TNS3: variants seen among roughly 807,000 people sequenced by gnomAD.
TNS3 encodes tensin 3.
In TNS3, 45 loss-of-function variants were observed where a neutral mutation model predicts 140.9. The ratio of observed to expected loss-of-function variants is 0.32; its 90% CI spans 0.25 to 0.41. The LOEUF (loss-of-function observed/expected upper bound fraction) is 0.41, where lower values mean the gene tolerates loss of function less well. Among genes scored for constraint, TNS3 ranks in the 10% least tolerant of loss-of-function variants. The pLI, the probability that TNS3 is intolerant of heterozygous loss-of-function variation, is 1.00. For missense variants in TNS3, 1,716 were observed against 1,906.7 expected (o/e 0.90, Z 1.86); for synonymous variants, 815 against 788.4 (o/e 1.03, Z -0.56).
chr7:47,302,877 T>G (rs1450219921), intron 22 of TNS3, 73 bp downstream of exon 22: 79 of 1,510,418 alleles, frequency 5.2e-5, no homozygotes, highest in Non-Finnish European at 6.8e-5. Flanking sequence ...CCAGCTCAGC[T>G]GCAGGTCTGA....
intron 3 of TNS3, among the ~76,000 whole-genome samples, chr7:47,499,787 TATC>T (rs1348633854): frequency 6.6e-6 from 1 of 152,134 alleles, no homozygotes; most frequent in Non-Finnish European, 1.5e-5. Context: ...GGATGTCACT[TATC>T]ATGCACCTGT....
intron 17 of TNS3, among the ~76,000 whole-genome samples, chr7:47,352,591 G>A (rs1789750585): frequency 6.6e-6 from 1 of 152,202 alleles, no homozygotes; most frequent in South Asian, 2.1e-4. Flanking sequence ...AGGAAGCCAG[G>A]GCGCTGGCTG....
intron 1 of TNS3, among the ~76,000 whole-genome samples, chr7:47,531,600 T>A (rs1208841465): frequency 2.0e-5 from 3 of 152,192 alleles, no homozygotes. Context: ...TAAACAATAG[T>A]GTAATGTGAC....
chr7:47,415,510 C>T (rs1052979452), intron 10 of TNS3, among the ~76,000 whole-genome samples: 4 of 152,244 alleles, frequency 2.6e-5, no homozygotes, highest in Non-Finnish European at 4.4e-5. Context: ...AGGCCACAGG[C>T]CACAGGCCAT....
chr7:47,354,640 A>C (rs1481435033), intron 17 of TNS3, among the ~76,000 whole-genome samples: 2 of 151,074 alleles, frequency 1.3e-5, no homozygotes, highest in East Asian at 3.9e-4. Context: ...TCCTCTCCTT[A>C]CAAAGGTCAT....
intron 17 of TNS3, among the ~76,000 whole-genome samples, chr7:47,360,339 T>C (rs2151086092): frequency 6.6e-6 from 1 of 152,272 alleles, no homozygotes; most frequent in East Asian, 1.9e-4. Flanking sequence ...TTCAGAGTTC[T>C]CAAGGCACAT....
Position 47,539,344 on chromosome 7 carries a change from G to A in TNS3, c.-264-10197C>T, listed in dbSNP as rs115803915. ...GCCATTCAGAAAACTCCCACACTTC[G>A]TTACTAGTAACAAATATCGTGCGTG... On this transcript the variant is annotated intron_variant, in intron 1 of 30. Coordinates refer to ENST00000311160, the MANE Select transcript of TNS3 (RefSeq NM_022748.12). 510 of 343,074 alleles carry A rather than the reference G, an allele frequency of 1.5e-3. 3 individuals are homozygous for A. The highest frequency in any genetic ancestry group is 9.8e-3 in the African/African-American group (456 of 46,686). The allele number at this position is 343,074 out of a possible 1,614,324, so 21.3% of individuals were successfully genotyped here. A position where few individuals can be genotyped will look rare whatever the true frequency, so the allele number is the denominator to read the frequency against.
intron 16 of TNS3, among the ~76,000 whole-genome samples, chr7:47,387,623 G>A (rs545609468): frequency 1.3e-5 from 2 of 152,188 alleles, no homozygotes; most frequent in Non-Finnish European, 2.9e-5. Context: ...TAAGTCATCC[G>A]CAACCTTTCC....
At chr7:47,450,721 G>A (rs555952687) in intron 4 of TNS3, among the ~76,000 whole-genome samples, 1 of 152,278 alleles carries the variant, frequency 6.6e-6, no homozygotes, top group East Asian at 1.9e-4. Context: ...AACTAGCACT[G>A]GCCCTCACTC....
intron 1 of TNS3, chr7:47,557,191 G>C (rs1191687571): frequency 2.2e-6 from 1 of 454,964 alleles, no homozygotes; most frequent in African/African-American, 2.0e-5. Flanking sequence ...AAGACCAACA[G>C]TGCGTCTGGG....
chr7:47,379,889 C>T (rs948513077), intron 16 of TNS3, among the ~76,000 whole-genome samples: 2 of 152,236 alleles, frequency 1.3e-5, no homozygotes, highest in East Asian at 1.9e-4. Flanking sequence ...TGCTTGCTCA[C>T]GCTTTCTAAA....
rs1055112266 is a variant in TNS3, at chr7:47,276,554, C to G, written c.*1522G>C. The G allele has an allele frequency of 5.3e-5, 8 of 152,308 alleles. No individual in the cohort carries two copies. The highest frequency in any genetic ancestry group is 1.7e-4 in the African/African-American group (7 of 41,436). 9.4% of individuals were successfully genotyped at this position (152,308 alleles called of 1,614,324 possible). On this transcript the variant is annotated 3_prime_UTR_variant, in exon 31 of 31. Transcript: ENST00000311160. Reference sequence around the variant, plus strand: ...GATCGCAATCAGGACAGTCAGCATGCCTGCAGAGCACCTAGGCTGTGAGAG... The same window carrying G: ...GATCGCAATCAGGACAGTCAGCATGGCTGCAGAGCACCTAGGCTGTGAGAG...
intron 17 of TNS3, among the ~76,000 whole-genome samples, chr7:47,349,402 C>G (rs1000259846): frequency 6.6e-6 from 1 of 152,268 alleles, no homozygotes; most frequent in Non-Finnish European, 1.5e-5. Flanking sequence ...TATCCTGCCA[C>G]TGGGACCACC....
chr7:47,340,900 G>A (rs2073889316), intron 20 of TNS3, among the ~76,000 whole-genome samples: 1 of 152,164 alleles, frequency 6.6e-6, no homozygotes, highest in Non-Finnish European at 1.5e-5. Flanking sequence ...TTTTTGTAAG[G>A]TTGAAGGAGT....
Position 47,296,397 on chromosome 7 carries a change from C to T in TNS3, c.3676+685G>A, listed in dbSNP as rs1354533289. On this transcript the variant is annotated intron_variant, in intron 24 of 30. Transcript: ENST00000311160. Reference sequence around the variant, plus strand: ...TCAGCCATTGTGGAAGACAGCGTGGCGATTCCTCAAAGACCTAGAGGCAGT... The same window carrying T: ...TCAGCCATTGTGGAAGACAGCGTGGTGATTCCTCAAAGACCTAGAGGCAGT... 4.6e-5 allele frequency among the ~76,000 whole-genome samples: 7 copies of T among 152,116 alleles called. No homozygotes were observed. The South Asian group carries it at 6.2e-4, about 14-fold the overall frequency.
chr7:47,298,032 C>G (rs546853397), intron 23 of TNS3, among the ~76,000 whole-genome samples: 1 of 152,058 alleles, frequency 6.6e-6, no homozygotes, highest in African/African-American at 2.4e-5. Flanking sequence ...GTGATCCACC[C>G]GCCTCAGCCT....
chr7:47,428,279 C>T, intron 9 of TNS3, 33 bp downstream of exon 9: 1 of 1,393,582 alleles, frequency 7.2e-7, no homozygotes, highest in Non-Finnish European at 9.4e-7. Flanking sequence ...GCTTTTAGCA[C>T]CTCAAGACAG....
chr7:47,534,496 TA>T (rs1799531474), intron 1 of TNS3, among the ~76,000 whole-genome samples: 1 of 152,142 alleles, frequency 6.6e-6, no homozygotes, highest in Non-Finnish European at 1.5e-5. Context: ...GGGCAGTTTT[TA>T]AAACAGCTGA....
chr7:47,366,584 C>T (rs1790714538), intron 17 of TNS3, among the ~76,000 whole-genome samples: 1 of 152,216 alleles, frequency 6.6e-6, no homozygotes, highest in African/African-American at 2.4e-5. Flanking sequence ...CCAGGACCAA[C>T]ATCTGCAGGG....
Sources: allele counts gnomAD v4.1 joint callset (sites outside exome capture counted in the v4.1 genomes callset), GRCh38; gene constraint gnomAD v4.1.1; transcripts MANE v1.5; gene names NCBI Gene and HGNC (gene_info 2026-07-23, HGNC 2026-07-21).